ZNF724: variants seen among roughly 807,000 people sequenced by gnomAD.
The protein encoded by ZNF724 is zinc finger protein 724, also known as zinc finger protein 724 pseudogene.
Under a neutral mutation model 29.3 loss-of-function variants are expected in ZNF724, and 14 were observed. The observed-to-expected ratio is 0.48, with a 90% CI of 0.32 to 0.75. ZNF724 has a LOEUF of 0.75. Among genes scored for constraint, ZNF724 ranks in the 30% least tolerant of loss-of-function variants. The pLI, the probability that ZNF724 is intolerant of heterozygous loss-of-function variation, is 0.04. For synonymous variants in ZNF724, 180 were observed against 193.6 expected (o/e 0.93, Z 0.58); for missense variants, 557 against 571.2 (o/e 0.98, Z 0.25).
chr19:23,239,796 G>A (rs1972087195), intron 1 of ZNF724, among the ~76,000 whole-genome samples: 1 of 152,116 alleles, frequency 6.6e-6, no homozygotes, highest in South Asian at 2.1e-4. Flanking sequence ...AGGCAACGCA[G>A]CGAGACTGTT....
intron 1 of ZNF724, among the ~76,000 whole-genome samples, chr19:23,233,600 T>C (rs1314721217): frequency 6.6e-6 from 1 of 152,118 alleles, no homozygotes; most frequent in African/African-American, 2.4e-5. Context: ...AGCCAAAATG[T>C]AAAAAATTTA....
intron 2 of ZNF724, 98 bp from the exon 3 acceptor site, chr19:23,231,459 C>A: frequency 1.2e-6 from 1 of 866,964 alleles, no homozygotes; most frequent in Admixed American, 2.9e-5. Flanking sequence ...AAATTAATTA[C>A]AAAATACAAA....
intron 1 of ZNF724, among the ~76,000 whole-genome samples, chr19:23,234,224 T>C (rs931631957): frequency 2.6e-5 from 4 of 152,130 alleles, no homozygotes; most frequent in African/African-American, 7.2e-5. Flanking sequence ...GGCCTTACCT[T>C]AGAGTCACAT....
Position 23,223,936 on chromosome 19 carries a change from A to C in ZNF724, c.309T>G (p.Tyr103Ter). 1 of 761,748 alleles carries C rather than the reference A, an allele frequency of 1.3e-6. No homozygotes were observed. The highest frequency in any genetic ancestry group is 2.4e-6 in the Non-Finnish European group (1 of 411,298). 47.2% of individuals were successfully genotyped at this position (761,748 alleles called of 1,614,324 possible). A position where few individuals can be genotyped will look rare whatever the true frequency, so the allele number is the denominator to read the frequency against. The change falls in exon 4 of 4, where the codon TAT becomes TAG. Residue 103 changes from tyrosine to a stop codon, truncating the protein, a stop_gained. Transcript: ENST00000418100. LOFTEE classifies it low-confidence loss of function (END_TRUNC). ...ASLQRIILRKYEKCGHHNLQL... is the reference protein window; with the variant it reads ...ASLQRIILRK ...GTAAATTGTGATGTCCACATTTTTC[A>C]TATTTTCTCAGTATTATTCTTTGCA...
intron 1 of ZNF724, among the ~76,000 whole-genome samples, chr19:23,238,292 G>T (rs907766700): frequency 2.6e-5 from 4 of 151,948 alleles, no homozygotes; most frequent in East Asian, 1.9e-4. Context: ...GTGAACCCGG[G>T]AGGCAGAGCT....
intron 1 of ZNF724, among the ~76,000 whole-genome samples, chr19:23,243,814 T>G (rs1054464284): frequency 7.3e-5 from 11 of 151,722 alleles, no homozygotes; most frequent in African/African-American, 2.4e-4. Context: ...TCCCAACTAC[T>G]TGGGAGGCTG....
intron 1 of ZNF724, among the ~76,000 whole-genome samples, chr19:23,242,357 T>C (rs944443547): frequency 1.3e-5 from 2 of 152,040 alleles, no homozygotes; most frequent in East Asian, 3.9e-4. Context: ...GGCAGGCAGA[T>C]TGCCTGAGCT....
chr19:23,227,067 C>T (rs950533050), intron 3 of ZNF724, among the ~76,000 whole-genome samples: 4 of 152,020 alleles, frequency 2.6e-5, no homozygotes, highest in Non-Finnish European at 4.4e-5. Context: ...TAACTGTGTA[C>T]TCATGGAAGG....
At position 23,222,830 on chromosome 19, in the gene ZNF724, T is replaced by C; in HGVS notation, c.1415A>G (p.His472Arg). The C allele has an allele frequency of 7.0e-7, 1 of 1,421,122 alleles. No individual in the cohort carries two copies. 88.0% of individuals were successfully genotyped at this position (1,421,122 alleles called of 1,614,324 possible). A position where few individuals can be genotyped will look rare whatever the true frequency, so the allele number is the denominator to read the frequency against. ...SSNLTEHRII[H>R]TGEKPYKCEE... ...ACATTTGTAGGGTTTCTCTCCAGTA[T>C]GAATTATCCTATGTTCAGTAAGGTT... Residue 472 changes from histidine (H) to arginine (R), a missense_variant, in exon 4 of 4, where the codon CAT becomes CGT. Transcript: ENST00000418100.
Position 23,224,342 on chromosome 19 carries a change from G to A in ZNF724, c.227-324C>T, listed in dbSNP as rs140044098. 1.6e-3 allele frequency among the ~76,000 whole-genome samples: 244 copies of A among 152,164 alleles called. 2 individuals carry two copies. Among genetic ancestry groups the A allele is most frequent in the African/African-American group, 5.4e-3 (226 of 41,516 alleles). ...GCAGAAGAATCGCTTGAACCTGAGC[G>A]GCAGAAGTTGCAGTGAGCTGATATC... On this transcript the variant is annotated intron_variant, in intron 3 of 3. Transcript: ENST00000418100.
At chr19:23,245,398 G>C (rs1037870804) in intron 1 of ZNF724, among the ~76,000 whole-genome samples, 1 of 152,158 alleles carries the variant, frequency 6.6e-6, no homozygotes, top group Non-Finnish European at 1.5e-5. Flanking sequence ...TGGATCACGA[G>C]GTCAGGAGAT....
chr19:23,229,619 A>G (rs1276374478), intron 3 of ZNF724, among the ~76,000 whole-genome samples: 1 of 152,206 alleles, frequency 6.6e-6, no homozygotes, highest in Non-Finnish European at 1.5e-5. Flanking sequence ...TAAAATGCAA[A>G]TTACAACTAC....
intron 3 of ZNF724, among the ~76,000 whole-genome samples, chr19:23,229,058 G>A (rs567284244): frequency 1.0e-4 from 14 of 138,680 alleles, no homozygotes; most frequent in East Asian, 8.1e-4. Flanking sequence ...GTGAGACTCC[G>A]TCTCAAAAGA....
rs536615838 is a variant in ZNF724, at chr19:23,231,255, C to A, written c.226+11G>T. On this transcript the variant is annotated intron_variant, in intron 3 of 3. Transcript: ENST00000418100. ...TCATCTGTGTCATCTGTCATATTCA[C>A]TCTCACCTACCTGGGGGTTTGGCCA... is the stretch of plus-strand genomic sequence containing the variant. 1.1e-4 allele frequency: 151 copies of A among 1,322,242 alleles called. 1 individual carries two copies. In the African/African-American group the frequency reaches 2.1e-3, roughly 19 times the overall value. 81.9% of individuals were successfully genotyped at this position (1,322,242 alleles called of 1,614,324 possible). A position where few individuals can be genotyped will look rare whatever the true frequency, so the allele number is the denominator to read the frequency against.
chr19:23,248,630 C>T (rs1972287187), intron 1 of ZNF724, among the ~76,000 whole-genome samples: 1 of 150,264 alleles, frequency 6.7e-6, no homozygotes, highest in Non-Finnish European at 1.5e-5. Context: ...AAAATTCAGG[C>T]TTAACCGACT....
At chr19:23,225,172 T>C (rs545199206) in intron 3 of ZNF724, among the ~76,000 whole-genome samples, 20 of 152,316 alleles carry the variant, frequency 1.3e-4, no homozygotes, top group Non-Finnish European at 2.4e-4. Context: ...ACACAGGACC[T>C]AGAAGAGATA....
intron 1 of ZNF724, among the ~76,000 whole-genome samples, chr19:23,238,225 T>C (rs1972055436): frequency 1.3e-5 from 2 of 152,014 alleles, no homozygotes; most frequent in South Asian, 4.1e-4. Flanking sequence ...ATTAGCCGCA[T>C]GTGGTGGTGG....
chr19:23,248,972 C>T (rs891734759), intron 1 of ZNF724, among the ~76,000 whole-genome samples: 1 of 151,700 alleles, frequency 6.6e-6, no homozygotes, highest in African/African-American at 2.4e-5. Context: ...GGCGTCAGTG[C>T]AGGACTCCGT....
intron 1 of ZNF724, among the ~76,000 whole-genome samples, chr19:23,234,525 C>T (rs568189255): frequency 2.0e-5 from 3 of 152,098 alleles, no homozygotes; most frequent in Non-Finnish European, 4.4e-5. Context: ...AATCTCTGCT[C>T]ACCACAACCT....
Sources: gnomAD v4.1 joint callset for allele counts (sites outside exome capture counted in the v4.1 genomes callset) on GRCh38, gnomAD v4.1.1 for gene constraint, MANE v1.5 for transcripts, NCBI Gene and HGNC (gene_info 2026-07-23, HGNC 2026-07-21) for gene names.